The following SCARB1 variants were observed in gnomAD, a reference collection of about 807,000 sequenced individuals.
The protein encoded by SCARB1 is scavenger receptor class B member 1.
SCARB1 carries 30 observed loss-of-function variants against 57.2 expected under a neutral mutation model. The ratio of observed to expected loss-of-function variants is 0.52; its 90% CI spans 0.39 to 0.71. The LOEUF is 0.71. Ranked by LOEUF, SCARB1 falls within the 30% of genes least tolerant of loss-of-function variation. The pLI is 0.00. For missense variants in SCARB1, 543 were observed against 671.2 expected (o/e 0.81, Z 2.11); for synonymous variants, 249 against 268.3 (o/e 0.93, Z 0.70).
intron 10 of SCARB1, 99 bp downstream of exon 10, chr12:124,787,307 C>T: frequency 9.0e-7 from 1 of 1,105,032 alleles, no homozygotes; most frequent in South Asian, 1.3e-5. Context: ...CTGGCTCAGC[C>T]CTCTCCCTTT....
In SCARB1 at chr12:124,814,791, C is replaced by G. The variant is rs543964798; in HGVS notation, c.426+182G>C. On this transcript the variant is annotated intron_variant, in intron 3 of 12. Coordinates refer to ENST00000261693, the MANE Select transcript of SCARB1 (RefSeq NM_005505.5). This position sits in a 1 kb window ranked among gnomAD's most constrained non-coding sequence, Gnocchi z 4.7. ...TCCAAACCAAGACAGGTGGACCCAC[C>G]TGGGAAACTCAGAACCCACTGGGGG... Among the ~76,000 whole-genome samples, 157 of 152,338 alleles carry G rather than the reference C, an allele frequency of 1.0e-3. No individual in the cohort carries two copies. Among genetic ancestry groups the G allele is most frequent in the Non-Finnish European group, 1.8e-3 (124 of 68,020 alleles).
At chr12:124,793,679 C>T (rs1253422729) in intron 9 of SCARB1, among the ~76,000 whole-genome samples, 1 of 123,264 alleles carries the variant, frequency 8.1e-6, no homozygotes, top group Non-Finnish European at 1.6e-5. Context: ...GGCGACAGAG[C>T]GAGACTCCGT....
At chr12:124,821,605 G>A (rs1950960541) in intron 1 of SCARB1, 1 of 914,900 alleles carries the variant, frequency 1.1e-6, no homozygotes, top group African/African-American at 1.8e-5. Flanking sequence ...GGGTGATCAG[G>A]GATGGGTCAC....
chr12:124,851,162 G>A (rs1952387254), intron 1 of SCARB1, among the ~76,000 whole-genome samples: 1 of 152,152 alleles, frequency 6.6e-6, no homozygotes, highest in Non-Finnish European at 1.5e-5. Flanking sequence ...ATATCCCTCA[G>A]GAAGGTTCCC....
At chr12:124,842,989 C>T (rs2135794236) in intron 1 of SCARB1, among the ~76,000 whole-genome samples, 1 of 152,282 alleles carries the variant, frequency 6.6e-6, no homozygotes, top group African/African-American at 2.4e-5. Context: ...TCTGTGGACG[C>T]AAACATGTTT....
At chr12:124,816,685 G>GGGGAGGTGCTGTGAAAACGCC (rs1950729920) in intron 2 of SCARB1, among the ~76,000 whole-genome samples, 2 of 152,068 alleles carry the variant, frequency 1.3e-5, no homozygotes, top group African/African-American at 4.8e-5. Flanking sequence ...GTGTGGAGGA[G>GGGGAGGTGCTGTGAAAACGCC]GGGAGGTGCT....
chr12:124,804,720 G>T (rs1213911843), intron 7 of SCARB1, among the ~76,000 whole-genome samples: 1 of 152,226 alleles, frequency 6.6e-6, no homozygotes, highest in African/African-American at 2.4e-5. Context: ...TGAAATAGGG[G>T]AAAGCATCCA....
chr12:124,818,392 G>A (rs1305313838), intron 1 of SCARB1, among the ~76,000 whole-genome samples: 2 of 152,152 alleles, frequency 1.3e-5, no homozygotes, highest in Non-Finnish European at 2.9e-5. Context: ...GAGGTAGGAG[G>A]ATCACCAGAG....
chr12:124,843,295 G>GC (rs1951986684), intron 1 of SCARB1, among the ~76,000 whole-genome samples: 1 of 123,394 alleles, frequency 8.1e-6, no homozygotes, highest in African/African-American at 2.6e-5. Context: ...GGAGATGGGG[G>GC]GGGGGGTCTT....
intron 7 of SCARB1, among the ~76,000 whole-genome samples, chr12:124,804,656 G>A (rs1376673258): frequency 1.3e-5 from 2 of 152,212 alleles, no homozygotes; most frequent in Admixed American, 1.3e-4. Flanking sequence ...GACAGCAGCG[G>A]GCGTCCCAGG....
chr12:124,838,092 G>A (rs1035248906), intron 1 of SCARB1, among the ~76,000 whole-genome samples: 13 of 152,250 alleles, frequency 8.5e-5, no homozygotes, highest in Non-Finnish European at 1.5e-4. Context: ...CTGAGTAGCT[G>A]AGACACAACC....
chr12:124,847,476 C>G (rs1374158994), intron 1 of SCARB1, among the ~76,000 whole-genome samples: 1 of 152,214 alleles, frequency 6.6e-6, no homozygotes, highest in Non-Finnish European at 1.5e-5. Context: ...AGAGGCAAAA[C>G]AGGAAAAGCC....
chr12:124,843,965 G>C (rs1052005841), intron 1 of SCARB1, among the ~76,000 whole-genome samples: 1 of 152,152 alleles, frequency 6.6e-6, no homozygotes, highest in Non-Finnish European at 1.5e-5. Flanking sequence ...GAGCTGGGAG[G>C]GTGAACAGCA....
chr12:124,787,009 TAATA>T (rs1949550128), intron 10 of SCARB1, among the ~76,000 whole-genome samples: 1 of 151,978 alleles, frequency 6.6e-6, no homozygotes, highest in Admixed American at 6.6e-5. Context: ...TAAAATAAAA[TAATA>T]AAATAAAACA....
intron 2 of SCARB1, among the ~76,000 whole-genome samples, chr12:124,816,694 C>T (rs1298038549): frequency 3.3e-5 from 5 of 152,154 alleles, no homozygotes; most frequent in African/African-American, 7.2e-5. Context: ...AGGGGAGGTG[C>T]TGTGAAAACG....
At chr12:124,808,106 C>A (rs1220119453) in intron 6 of SCARB1, among the ~76,000 whole-genome samples, 179 bp from the exon 7 acceptor site, 1 of 152,164 alleles carries the variant, frequency 6.6e-6, no homozygotes, top group Non-Finnish European at 1.5e-5. Flanking sequence ...CCTCTCCGCT[C>A]CGACTCTGCC....
At chr12:124,797,699 C>T (rs746208739) in intron 8 of SCARB1, among the ~76,000 whole-genome samples, 2 of 152,082 alleles carry the variant, frequency 1.3e-5, no homozygotes, top group Non-Finnish European at 2.9e-5. Context: ...TGGAATTCTC[C>T]GGAAGCCAGC....
chr12:124,785,805 T>G (rs1949490592), intron 11 of SCARB1: 3 of 468,504 alleles, frequency 6.4e-6, no homozygotes, highest in South Asian at 3.9e-5. Flanking sequence ...TTCCTTTGAC[T>G]GTTAAGTGGC....
At chr12:124,783,140 T>G in intron 11 of SCARB1, 1 of 324,662 alleles carries the variant, frequency 3.1e-6, no homozygotes, top group Non-Finnish European at 5.8e-6. Flanking sequence ...GGGGGCTGTT[T>G]AAAATCAACG....
Sources: allele counts gnomAD v4.1 joint callset (sites outside exome capture counted in the v4.1 genomes callset), GRCh38; gene constraint gnomAD v4.1.1; non-coding constraint Gnocchi (gnomAD v3.1); transcripts MANE v1.5; gene names NCBI Gene and HGNC (gene_info 2026-07-23, HGNC 2026-07-21).